CDC42EP5: variants seen among roughly 807,000 people sequenced by gnomAD.
CDC42EP5 encodes CDC42 effector protein 5.
For synonymous variants in CDC42EP5, 118 were observed against 123.3 expected, an observed-to-expected ratio of 0.96 and a Z score of 0.28; for missense variants, 269 against 238.0, an observed-to-expected ratio of 1.13 and a Z score of -0.86.
chr19:54,465,907 TA>T (rs927185059), intron 2 of CDC42EP5, among the ~76,000 whole-genome samples: 1 of 151,912 alleles, frequency 6.6e-6, no homozygotes, highest in African/African-American at 2.4e-5. Flanking sequence ...AATGCTGGGA[TA>T]ACAGGCGTGA....
At chr19:54,465,962 G>T (rs2084752625) in intron 2 of CDC42EP5, among the ~76,000 whole-genome samples, 1 of 152,138 alleles carries the variant, frequency 6.6e-6, no homozygotes, top group East Asian at 1.9e-4. Context: ...GGTAAGATGA[G>T]ACTCCAGGAG....
chr19:54,467,375 C>T (rs1214405605), intron 2 of CDC42EP5, among the ~76,000 whole-genome samples: 4 of 150,046 alleles, frequency 2.7e-5, no homozygotes, highest in Non-Finnish European at 5.9e-5. Context: ...ATCGCTTGAA[C>T]TTGGGAGGCA....
intron 2 of CDC42EP5, among the ~76,000 whole-genome samples, chr19:54,469,519 G>A (rs531484752): frequency 7.9e-4 from 120 of 152,300 alleles, no homozygotes; most frequent in Non-Finnish European, 1.0e-3. Flanking sequence ...CTGTGGCTTT[G>A]AGCAACTTAC....
chr19:54,470,514 AAAGGAAAG>A (rs959720961), intron 2 of CDC42EP5, among the ~76,000 whole-genome samples: 4 of 137,232 alleles, frequency 2.9e-5, no homozygotes, highest in African/African-American at 1.2e-4. Context: ...AGAAAGAAAG[AAAGGAAAG>A]AAGGAAGGAA....
At position 54,465,420 on chromosome 19, in the gene CDC42EP5, A is replaced by C. The variant is rs2084738775; in HGVS notation, c.128T>G (p.Phe43Cys). 6.9e-7 allele frequency: 1 copy of C among 1,453,200 alleles called. No individual in the cohort carries two copies. The highest frequency in any genetic ancestry group is 1.3e-5 in the South Asian group (1 of 76,342). The allele number at this position is 1,453,200 out of a possible 1,614,324, so 90.0% of individuals were successfully genotyped here. A position where few individuals can be genotyped will look rare whatever the true frequency, so the allele number is the denominator to read the frequency against. ...GCGGCTCAGGAACGAGGTGTCCCCG[A>C]AGGCGTCGCCGCCGCGCCCCACGTG... ...TLHVGRGGDA[F>C]GDTSFLSRHG... Residue 43 changes from phenylalanine to cysteine, a missense_variant, in exon 3 of 3, where the codon TTC becomes TGC. By Grantham distance (205) the Phe-to-Cys change is radical. Coordinates refer to ENST00000301200, the MANE Select transcript of CDC42EP5 (RefSeq NM_145057.4).
At chr19:54,468,377 A>T (rs528094330) in intron 2 of CDC42EP5, among the ~76,000 whole-genome samples, 3 of 140,808 alleles carry the variant, frequency 2.1e-5, no homozygotes, top group East Asian at 2.2e-4. Context: ...ACACACACAC[A>T]CTCTTTACAT....
At position 54,465,445 on chromosome 19, in the gene CDC42EP5, G is replaced by A. The variant is rs756108701; in HGVS notation, c.103C>T (p.His35Tyr). 3.3e-6 allele frequency: 5 copies of A among 1,511,674 alleles called. No homozygotes were observed. Among genetic ancestry groups the A allele is most frequent in the Non-Finnish European group, 3.5e-6 (4 of 1,141,440 alleles). The allele number at this position is 1,511,674 out of a possible 1,614,324, so 93.6% of individuals were successfully genotyped here. A position where few individuals can be genotyped will look rare whatever the true frequency, so the allele number is the denominator to read the frequency against. Residue 35 changes from histidine to tyrosine, a missense_variant, in exon 3 of 3, where the codon CAC (histidine) becomes TAC (tyrosine). Coordinates refer to ENST00000301200, the MANE Select transcript of CDC42EP5 (RefSeq NM_145057.4). The part of the protein sequence containing the change: ...APLGDFRHTL[H>Y]VGRGGDAFGD... ...AAGGCGTCGCCGCCGCGCCCCACGTGCAGCGTGTGCCGGAAGTCGCCGAGC... is the reference window on the plus strand; with the variant it reads ...AAGGCGTCGCCGCCGCGCCCCACGTACAGCGTGTGCCGGAAGTCGCCGAGC...
chr19:54,472,712 C>T (rs1461009469), intron 1 of CDC42EP5, among the ~76,000 whole-genome samples: 1 of 65,020 alleles, frequency 1.5e-5, no homozygotes, highest in Admixed American at 1.4e-4. Context: ...CCTCCTCCCT[C>T]AGACCCAGGA....
In CDC42EP5 at chr19:54,465,197, G is replaced by A; in HGVS notation, c.351C>T (p.Ala117=). Residue 117 remains alanine (A), a synonymous_variant, in exon 3 of 3, where the codon GCC becomes GCT. Transcript: ENST00000301200. The part of the protein sequence containing the change: ...MDAARPEAAA[A]KPDAEPRPGT... ...CGGGGCGGGGTTCCGCGTCGGGCTTGGCGGCAGCCGCCTCCGGGCGCGCCG... is the reference window on the plus strand; with the variant it reads ...CGGGGCGGGGTTCCGCGTCGGGCTTAGCGGCAGCCGCCTCCGGGCGCGCCG... 7.0e-7 allele frequency: 1 copy of A among 1,438,006 alleles called. No individual in the cohort carries two copies. Among genetic ancestry groups the A allele is most frequent in the Non-Finnish European group, 9.1e-7 (1 of 1,100,238 alleles). 89.1% of individuals were successfully genotyped at this position (1,438,006 alleles called of 1,614,324 possible).
chr19:54,471,807 T>A (rs2084840278), intron 1 of CDC42EP5, 122 bp from the exon 2 acceptor site: 1 of 166,180 alleles, frequency 6.0e-6, no homozygotes. Context: ...GCTTTCTTAA[T>A]CCCACCCCAG....
chr19:54,471,138 G>A (rs1201447097), intron 2 of CDC42EP5, among the ~76,000 whole-genome samples: 1 of 152,208 alleles, frequency 6.6e-6, no homozygotes, highest in Non-Finnish European at 1.5e-5. Flanking sequence ...AGGGGCTGTT[G>A]TTTGTGACCA....
Position 54,465,269 on chromosome 19 carries a change from C to G in CDC42EP5, c.279G>C (p.Leu93=). The G allele has an allele frequency of 1.5e-6, 2 of 1,369,590 alleles. No homozygotes were observed. Among genetic ancestry groups the G allele is most frequent in the Non-Finnish European group, 1.9e-6 (2 of 1,060,320 alleles). The allele number at this position is 1,369,590 out of a possible 1,614,324, so 84.8% of individuals were successfully genotyped here. A position where few individuals can be genotyped will look rare whatever the true frequency, so the allele number is the denominator to read the frequency against. The part of the protein sequence containing the change: ...SPADPLLSFH[L]DLGPSMLDAV... ...CGTCCAGCATGGAGGGCCCCAGATC[C>G]AGGTGGAAGGACAGCAGCGGGTCGG... is the stretch of plus-strand genomic sequence containing the variant. Residue 93 remains leucine, a synonymous_variant, in exon 3 of 3, where the codon CTG becomes CTC. Transcript: ENST00000301200.
rs367839985 is a variant in CDC42EP5, at chr19:54,465,533, C to T, written c.15G>A (p.Lys5=). MPVL[K]QLGPAQPKKR... ...TCTTGGGCTGCGCGGGGCCCAGCTG[C>T]TTCAGCACGGGCATCTGCGAGGGGC... Residue 5 remains lysine (K), a synonymous_variant, in exon 3 of 3, where the codon AAG becomes AAA. Transcript: ENST00000301200. 171 of 1,536,094 alleles carry T rather than the reference C, an allele frequency of 1.1e-4. No individual in the cohort carries two copies. In the African/African-American group the frequency reaches 2.3e-3, roughly 20 times the overall value.
intron 2 of CDC42EP5, among the ~76,000 whole-genome samples, chr19:54,468,791 A>G (rs1271295088): frequency 6.6e-6 from 1 of 150,790 alleles, no homozygotes; most frequent in African/African-American, 2.4e-5. Flanking sequence ...AGCTCAAGCA[A>G]TCTGCCCGCC....
intron 2 of CDC42EP5, among the ~76,000 whole-genome samples, chr19:54,470,548 GA>G (rs1407509165): frequency 6.6e-6 from 1 of 151,338 alleles, no homozygotes; most frequent in Admixed American, 6.6e-5. Flanking sequence ...GAAAAAGAAA[GA>G]AAAAAAGAAG....
At position 54,465,333 on chromosome 19, in the gene CDC42EP5, GGCGGGGAGCGCGGGGCCCCC is replaced by G. The variant is rs2084733755; in HGVS notation, c.195_214del (p.Gly66AlafsTer?). 3 of 1,179,832 alleles carry G rather than the reference GGCGGGGAGCGCGGGGCCCCC, an allele frequency of 2.5e-6. No homozygotes were observed. Among genetic ancestry groups the G allele is most frequent in the East Asian group, 3.7e-5 (1 of 27,382 alleles). The allele number at this position is 1,179,832 out of a possible 1,614,324, so 73.1% of individuals were successfully genotyped here. ...TGCGGACTGCGGGACGGCGGGCGGC[GGCGGGGAGCGCGGGGCCCCC>G]GCGGGGGGCGCCCGGGGCTCGGGGG... On this transcript the variant is annotated frameshift_variant, in exon 3 of 3. Transcript: ENST00000301200. LOFTEE classifies it low-confidence loss of function (END_TRUNC).
chr19:54,471,180 G>A (rs1240672312), intron 2 of CDC42EP5, among the ~76,000 whole-genome samples: 1 of 152,206 alleles, frequency 6.6e-6, no homozygotes, highest in African/African-American at 2.4e-5. Context: ...GGGCGCGACC[G>A]TGGAGCCCGG....
Position 54,465,138 on chromosome 19 carries a change from T to C in CDC42EP5, c.410A>G (p.Asn137Ser), listed in dbSNP as rs1003729542. ...TQPPQARCRPNADLELNDVIG... is the reference protein window; with the variant it reads ...TQPPQARCRPSADLELNDVIG... Reference sequence around the variant, plus strand: ...GACGTCGTTCAGCTCGAGGTCCGCGTTGGGGCGGCAGCGGGCCTGGGGGGG... The same window carrying C: ...GACGTCGTTCAGCTCGAGGTCCGCGCTGGGGCGGCAGCGGGCCTGGGGGGG... Residue 137 changes from asparagine (N) to serine (S), a missense_variant, in exon 3 of 3, where the codon AAC becomes AGC. Physicochemically the swap from Asn to Ser is conservative, Grantham distance 46. Transcript: ENST00000301200. The C allele has an allele frequency of 1.4e-6, 2 of 1,395,582 alleles. No homozygotes were observed. The highest frequency in any genetic ancestry group is 1.6e-5 in the South Asian group (1 of 60,812). 86.4% of individuals were successfully genotyped at this position (1,395,582 alleles called of 1,614,324 possible).
rs753741742 is a variant in CDC42EP5, at chr19:54,465,945, CAGATGGGGTAAGATG to C, written c.1-413_1-399del. ...CCACCGCGCCCGGCCTCCCGTTTCA[CAGATGGGGTAAGATG>C]AGACTCCAGGAGGTCCCATGGGCAC... On this transcript the variant is annotated intron_variant, in intron 2 of 2. Coordinates refer to ENST00000301200, the MANE Select transcript of CDC42EP5 (RefSeq NM_145057.4). 1.8e-3 allele frequency among the ~76,000 whole-genome samples: 280 copies of C among 152,246 alleles called. 6 individuals carry two copies. Among genetic ancestry groups the C allele is most frequent in the South Asian group, 7.9e-3 (38 of 4,824 alleles).
Sources: gnomAD v4.1 joint callset for allele counts (sites outside exome capture counted in the v4.1 genomes callset) on GRCh38, gnomAD v4.1.1 for gene constraint, MANE v1.5 for transcripts, NCBI Gene and HGNC (gene_info 2026-07-23, HGNC 2026-07-21) for gene names.